The following FARS2 variants were observed in gnomAD, a reference collection of about 807,000 sequenced individuals.
The protein encoded by FARS2 is phenylalanine--tRNA ligase, mitochondrial.
FARS2 carries 40 observed loss-of-function variants against 46.4 expected under a neutral mutation model. The observed-to-expected ratio is 0.86, with a 90% CI of 0.67 to 1.12. The LOEUF is 1.12. FARS2 is among the 50% of genes most tolerant of loss of function. The pLI, the probability that FARS2 is intolerant of heterozygous loss-of-function variation, is 0.00. For missense variants in FARS2, 513 were observed against 567.9 expected, an observed-to-expected ratio of 0.90 and a Z score of 0.98; for synonymous variants, 234 against 214.9, an observed-to-expected ratio of 1.09 and a Z score of -0.78.
Position 5,386,533 on chromosome 6 carries a change from G to C in FARS2, c.612+17351G>C, listed in dbSNP as rs544797398. Among the ~76,000 whole-genome samples, 118 of 152,314 alleles carry C rather than the reference G, an allele frequency of 7.7e-4. 1 individual carries two copies. The highest frequency in any genetic ancestry group is 1.5e-3 in the Non-Finnish European group (100 of 68,024). ...TCAGGCAAGACTGGTGATGGAAAGA[G>C]TTGTTAGGAGATTATTACAATCGTC... On this transcript the variant is annotated intron_variant, in intron 2 of 6. Transcript: ENST00000274680.
chr6:5,402,221 T>G (rs1277801267), intron 2 of FARS2, among the ~76,000 whole-genome samples: 3 of 150,908 alleles, frequency 2.0e-5, no homozygotes, highest in South Asian at 4.2e-4. Context: ...ATGATTTTAT[T>G]TCTTTTTTTT....
chr6:5,699,594 G>A (rs1582792686), intron 6 of FARS2, among the ~76,000 whole-genome samples: 1 of 151,278 alleles, frequency 6.6e-6, no homozygotes, highest in African/African-American at 2.4e-5. Flanking sequence ...TGCAACCTCC[G>A]CCTGCTGGGT....
intron 6 of FARS2, among the ~76,000 whole-genome samples, chr6:5,751,200 G>A (rs1010737927): frequency 1.3e-5 from 2 of 152,034 alleles, no homozygotes; most frequent in African/African-American, 4.8e-5. Flanking sequence ...TTGAACCTCC[G>A]CAATTTGTCA....
intron 6 of FARS2, among the ~76,000 whole-genome samples, chr6:5,703,742 A>G (rs76480628): frequency 0.019 from 2,859 of 152,236 alleles, 87 homozygotes; most frequent in African/African-American, 0.065. Context: ...AGGTGGACAC[A>G]GGGGCTTTTC....
chr6:5,638,351 G>A (rs1776644691), intron 6 of FARS2, among the ~76,000 whole-genome samples: 1 of 152,180 alleles, frequency 6.6e-6, no homozygotes, highest in Non-Finnish European at 1.5e-5. Context: ...GATCACCTGA[G>A]GTCAGGAGTT....
chr6:5,407,636 A>G (rs1288264266), intron 3 of FARS2, among the ~76,000 whole-genome samples: 2 of 152,104 alleles, frequency 1.3e-5, no homozygotes, highest in African/African-American at 4.8e-5. Context: ...AATATGACAA[A>G]ATGTTATGGT....
At chr6:5,431,650 A>G (rs143241810) in intron 4 of FARS2, 7,669 of 533,018 alleles carry the variant, frequency 0.014, 70 homozygotes, top group Non-Finnish European at 0.017. Context: ...TGCTTAATCC[A>G]TCACCTCCCT....
At chr6:5,595,601 T>G (rs907332956) in intron 5 of FARS2, among the ~76,000 whole-genome samples, 3 of 152,116 alleles carry the variant, frequency 2.0e-5, no homozygotes, top group Non-Finnish European at 4.4e-5. Flanking sequence ...TGCCACCAAG[T>G]GACACAAACA....
At chr6:5,297,417 G>T (rs1359276968) in intron 1 of FARS2, among the ~76,000 whole-genome samples, 1 of 152,230 alleles carries the variant, frequency 6.6e-6, no homozygotes, top group East Asian at 1.9e-4. Context: ...GGGGGCCAAG[G>T]CGGGTGGATC....
intron 4 of FARS2, among the ~76,000 whole-genome samples, chr6:5,532,056 C>T (rs779711502): frequency 2.6e-5 from 4 of 152,130 alleles, no homozygotes; most frequent in East Asian, 3.8e-4. Flanking sequence ...CATTTTGGAA[C>T]GATAAAACCC....
chr6:5,382,529 C>T (rs6939468), intron 2 of FARS2, among the ~76,000 whole-genome samples: 35,106 of 152,054 alleles, frequency 0.23, 5,190 homozygotes, highest in East Asian at 0.41. Context: ...TGTCAATTTA[C>T]ACACAGTAAA....
chr6:5,600,543 A>G (rs112554847), intron 5 of FARS2, among the ~76,000 whole-genome samples: 29 of 151,958 alleles, frequency 1.9e-4, no homozygotes, highest in African/African-American at 7.0e-4. Flanking sequence ...TTTGATAAGC[A>G]GTTTTTATTA....
chr6:5,432,805 TATG>T (rs562701484), intron 4 of FARS2, among the ~76,000 whole-genome samples: 135 of 152,172 alleles, frequency 8.9e-4, no homozygotes, highest in African/African-American at 3.1e-3. Flanking sequence ...TGGGTAAGGA[TATG>T]ATATCTGGTC....
chr6:5,370,855 A>G (rs1431897636), intron 2 of FARS2, among the ~76,000 whole-genome samples: 2 of 152,218 alleles, frequency 1.3e-5, no homozygotes, highest in African/African-American at 4.8e-5. Flanking sequence ...TATTCTGCGT[A>G]TAGTTAAAAA....
intron 6 of FARS2, among the ~76,000 whole-genome samples, chr6:5,681,093 C>T (rs1779011535): frequency 6.6e-6 from 1 of 152,180 alleles, no homozygotes; most frequent in Non-Finnish European, 1.5e-5. Context: ...AGTGCCCATA[C>T]CCTTGATCTG....
intron 6 of FARS2, among the ~76,000 whole-genome samples, chr6:5,687,743 A>C (rs146400810): frequency 6.6e-6 from 1 of 152,146 alleles, no homozygotes; most frequent in African/African-American, 2.4e-5. Context: ...GAAGAAAGTC[A>C]TTGGTAACTT....
chr6:5,428,176 T>C (rs1287551199), intron 3 of FARS2, among the ~76,000 whole-genome samples: 1 of 152,198 alleles, frequency 6.6e-6, no homozygotes, highest in African/African-American at 2.4e-5. Flanking sequence ...TGTAATTGTT[T>C]TCAGTGCTTA....
chr6:5,339,225 G>A (rs1245295351), intron 1 of FARS2, among the ~76,000 whole-genome samples: 1 of 152,178 alleles, frequency 6.6e-6, no homozygotes, highest in Non-Finnish European at 1.5e-5. Flanking sequence ...AATGTGTAAT[G>A]TTTTAGACAC....
intron 4 of FARS2, among the ~76,000 whole-genome samples, chr6:5,529,709 T>G (rs1006167503): frequency 6.6e-6 from 1 of 152,210 alleles, no homozygotes; most frequent in Non-Finnish European, 1.5e-5. Flanking sequence ...CACAGCCTTT[T>G]TAATGGCTGA....
Sources: gnomAD v4.1 joint callset for allele counts (sites outside exome capture counted in the v4.1 genomes callset) on GRCh38, gnomAD v4.1.1 for gene constraint, MANE v1.5 for transcripts, NCBI Gene and HGNC (gene_info 2026-07-23, HGNC 2026-07-21) for gene names.